The following SOD2 variants were observed in gnomAD, a reference collection of about 807,000 sequenced individuals.
SOD2 encodes the protein superoxide dismutase 2, also known as superoxide dismutase [Mn], mitochondrial.
In SOD2, 11 loss-of-function variants were observed where a neutral mutation model predicts 27.0. That is an observed-to-expected ratio of 0.41 (90% confidence interval 0.26 to 0.67). The LOEUF (loss-of-function observed/expected upper bound fraction) is 0.67, where lower values mean the gene tolerates loss of function less well. Ranked by LOEUF, SOD2 falls within the 30% of genes least tolerant of loss-of-function variation. The pLI is 0.34. For missense variants in SOD2, 250 were observed against 274.5 expected (o/e 0.91, Z 0.63); for synonymous variants, 105 against 103.0 (o/e 1.02, Z -0.12).
Position 159,676,124 on chromosome 6 carries a change from T to G in SOD2, c.*6369A>C, listed in dbSNP as rs571748616. ...AGGTGCTGGAGAGGATGTGGAGAAA[T>G]AGGAACACTTTTACACTGGTGGTGG... On this transcript the variant is annotated 3_prime_UTR_variant, in exon 5 of 5. Transcript: ENST00000538183. The G allele has an allele frequency of 1.3e-5, 2 of 152,220 alleles. No homozygotes were observed. Among genetic ancestry groups the G allele is most frequent in the Middle Eastern group, 3.4e-3 (1 of 294 alleles). 9.4% of individuals were successfully genotyped at this position (152,220 alleles called of 1,614,324 possible).
intron 1 of SOD2, among the ~76,000 whole-genome samples, chr6:159,699,233 C>G (rs918409389): frequency 1.3e-5 from 2 of 152,240 alleles, no homozygotes; most frequent in African/African-American, 4.8e-5. Context: ...TTACACGACT[C>G]TGGTCATCAC....
In SOD2 at chr6:159,676,688, T is replaced by C. The variant is rs771760685; in HGVS notation, c.*5805A>G. ...GTGCAGCACACCAACATGGCACATG[T>C]ATACATGTAACAAACCTGCATGTTG... On this transcript the variant is annotated 3_prime_UTR_variant, in exon 5 of 5. Transcript: ENST00000538183. The C allele has an allele frequency of 6.6e-6, 1 of 152,106 alleles. No individual in the cohort carries two copies. The highest frequency in any genetic ancestry group is 1.5e-5 in the Non-Finnish European group (1 of 68,028). 9.4% of individuals were successfully genotyped at this position (152,106 alleles called of 1,614,324 possible).
chr6:159,743,905 A>G (rs538100182), intron 1 of SOD2: 2 of 1,179,466 alleles, frequency 1.7e-6, no homozygotes, highest in South Asian at 4.6e-5. Context: ...TATCTTTTAT[A>G]GGTACGTATG....
chr6:159,728,250 CCT>C (rs1227759504), upstream of SOD2, among the ~76,000 whole-genome samples: 1 of 152,094 alleles, frequency 6.6e-6, no homozygotes, highest in African/African-American at 2.4e-5. Flanking sequence ...ACCTTGGATC[CCT>C]GTGAGACAGT....
At chr6:159,686,107 A>G (rs1351246797) in intron 3 of SOD2, among the ~76,000 whole-genome samples, 1 of 152,166 alleles carries the variant, frequency 6.6e-6, no homozygotes, top group Non-Finnish European at 1.5e-5. Context: ...TTTATTCTGT[A>G]GTAATACAGA....
Position 159,681,517 on chromosome 6 carries a change from T to G in SOD2, c.*976A>C, listed in dbSNP as rs1326286690. The G allele has an allele frequency of 4.6e-5, 7 of 152,304 alleles. No individual in the cohort carries two copies. In the East Asian group the frequency reaches 1.4e-3, roughly 29 times the overall value. The allele number at this position is 152,304 out of a possible 1,614,324, so 9.4% of individuals were successfully genotyped here. A position where few individuals can be genotyped will look rare whatever the true frequency, so the allele number is the denominator to read the frequency against. ...ATGTTCCTTTCTGCGGACCCCAAGTTTTTAGACAAAGCTTTGCTTCCTTAA... is the reference window on the plus strand; with the variant it reads ...ATGTTCCTTTCTGCGGACCCCAAGTGTTTAGACAAAGCTTTGCTTCCTTAA... On this transcript the variant is annotated 3_prime_UTR_variant, in exon 5 of 5. Transcript: ENST00000538183.
At chr6:159,727,732 A>G, upstream of SOD2, 1 of 985,390 alleles carries the variant, frequency 1.0e-6, no homozygotes, top group East Asian at 1.1e-4. Flanking sequence ...GCGGGAGCGG[A>G]CGCGGGGGAC....
chr6:159,744,432 C>CA (rs1779445045), intron 1 of SOD2, among the ~76,000 whole-genome samples: 1 of 152,124 alleles, frequency 6.6e-6, no homozygotes, highest in Non-Finnish European at 1.5e-5. Flanking sequence ...ACTCTCCCTT[C>CA]ATTTGGTACA....
chr6:159,741,483 A>G (rs1241893448), intron 1 of SOD2: 1 of 152,216 alleles, frequency 6.6e-6, no homozygotes, highest in Admixed American at 6.5e-5. Context: ...CTAAGTGGAC[A>G]ACATATGAAA....
chr6:159,670,354 TAAA>T lies in SOD2; in HGVS notation c.*12136_*12138del, dbSNP rs1779628750. ...TGTCATTTTTTAAATTGTTTTCTGG[TAAA>T]AATGCTAACAGTAACTAGGAGCTAA... On this transcript the variant is annotated 3_prime_UTR_variant, in exon 5 of 5. Transcript: ENST00000538183. 6.6e-6 allele frequency: 1 copy of T among 152,164 alleles called. No individual in the cohort carries two copies. Among genetic ancestry groups the T allele is most frequent in the Non-Finnish European group, 1.5e-5 (1 of 68,022 alleles). The allele number at this position is 152,164 out of a possible 1,614,324, so 9.4% of individuals were successfully genotyped here.
rs772201504 is a variant in SOD2, at chr6:159,685,049, T to C, written c.344-16A>G. The C allele has an allele frequency of 2.6e-6, 4 of 1,561,182 alleles. 1 individual carries two copies. Among genetic ancestry groups the C allele is most frequent in the South Asian group, 2.4e-5 (2 of 83,744 alleles). ...AGCAACTCCCCTATTAAAAAAAAAA[T>C]CCAAAACCACCCACAAATGAACAGA... On this transcript the variant is annotated splice_polypyrimidine_tract_variant and intron_variant, in intron 3 of 4. Transcript: ENST00000538183.
intron 3 of SOD2, among the ~76,000 whole-genome samples, chr6:159,687,217 G>A (rs1019302228): frequency 6.6e-6 from 1 of 152,170 alleles, no homozygotes; most frequent in Non-Finnish European, 1.5e-5. Context: ...CTGGCGCGGT[G>A]GCTCACATCC....
intron 4 of SOD2, 127 bp downstream of exon 4, chr6:159,684,727 G>T: frequency 3.2e-6 from 2 of 617,138 alleles, no homozygotes; most frequent in East Asian, 3.0e-5. Context: ...CAAGACTCTG[G>T]GTGTTATCTG....
chr6:159,727,659 C>G, upstream of SOD2: 1 of 985,586 alleles, frequency 1.0e-6, no homozygotes, highest in Non-Finnish European at 1.2e-6. Context: ...AGCGCGGCCT[C>G]GGCCTATGCG....
At chr6:159,731,695 A>G (rs1376785839), upstream of SOD2, among the ~76,000 whole-genome samples, 1 of 152,166 alleles carries the variant, frequency 6.6e-6, no homozygotes, top group Non-Finnish European at 1.5e-5. Flanking sequence ...GCCAGTTACC[A>G]TGCTAAAGAT....
intron 3 of SOD2, among the ~76,000 whole-genome samples, chr6:159,686,255 T>C (rs1780181930): frequency 6.6e-6 from 1 of 152,148 alleles, no homozygotes; most frequent in Non-Finnish European, 1.5e-5. Context: ...AATGGCAGCA[T>C]ACCAAAACCA....
chr6:159,698,598 T>A (rs1480657971), intron 1 of SOD2, among the ~76,000 whole-genome samples: 107 of 72,854 alleles, frequency 1.5e-3, no homozygotes, highest in African/African-American at 3.4e-3. Context: ...AAAAAAAAAA[T>A]CCAATAAAAC....
exon 1 of SOD2, chr6:159,727,152 C>T: frequency 3.3e-6 from 4 of 1,194,778 alleles, no homozygotes; most frequent in Non-Finnish European, 4.2e-6. Context: ...CTCCGGGGCC[C>T]GCGGAGCTCG....
chr6:159,744,621 A>T (rs181232217), intron 1 of SOD2, among the ~76,000 whole-genome samples: 1 of 152,342 alleles, frequency 6.6e-6, no homozygotes, highest in Non-Finnish European at 1.5e-5. Flanking sequence ...CCACAAAAGC[A>T]CGTATTTACT....
Sources: gnomAD v4.1 joint callset for allele counts (sites outside exome capture counted in the v4.1 genomes callset) on GRCh38, gnomAD v4.1.1 for gene constraint, MANE v1.5 for transcripts, NCBI Gene and HGNC (gene_info 2026-07-23, HGNC 2026-07-21) for gene names.